FRYL: variants seen among roughly 807,000 people sequenced by gnomAD.
FRYL encodes the protein FRY like transcription coactivator.
In FRYL, 150 loss-of-function variants were observed where a neutral mutation model predicts 351.2. The ratio of observed to expected loss-of-function variants is 0.43; its 90% CI spans 0.37 to 0.49. The LOEUF (loss-of-function observed/expected upper bound fraction) is 0.49. Ranked by LOEUF, FRYL falls within the 20% of genes least tolerant of loss-of-function variation. The pLI, the probability that FRYL is intolerant of heterozygous loss-of-function variation, is 0.00. For synonymous variants in FRYL, 1,153 were observed against 1,257.1 expected (o/e 0.92, Z 1.75); for missense variants, 3,036 against 3,619.3 (o/e 0.84, Z 4.13).
Position 48,535,830 on chromosome 4 carries a change from A to G in FRYL, c.6394-3T>C, listed in dbSNP as rs1442860949. The G allele has an allele frequency of 3.3e-6, 5 of 1,502,940 alleles. No individual in the cohort carries two copies. The highest frequency in any genetic ancestry group is 2.4e-5 in the East Asian group (1 of 41,956). 93.1% of individuals were successfully genotyped at this position (1,502,940 alleles called of 1,614,324 possible). ...GGGCATTTTTCTTCTGCACAAACCT[A>G]GAAAACAAATAAAATTATTTCATTC... On this transcript the variant is annotated splice_region_variant and splice_polypyrimidine_tract_variant and intron_variant, in intron 47 of 63. Transcript: ENST00000358350.
chr4:48,702,683 T>G (rs1257957285), intron 2 of FRYL, among the ~76,000 whole-genome samples: 1 of 133,692 alleles, frequency 7.5e-6, no homozygotes, highest in Admixed American at 8.3e-5. Context: ...ATGGTGTGAA[T>G]CCGGGAGGCG....
At chr4:48,646,462 C>T (rs929478021) in intron 3 of FRYL, among the ~76,000 whole-genome samples, 3 of 152,096 alleles carry the variant, frequency 2.0e-5, no homozygotes, top group South Asian at 2.1e-4. Flanking sequence ...GATCTAAAAT[C>T]GTCAAAAATG....
intron 1 of FRYL, among the ~76,000 whole-genome samples, chr4:48,776,355 T>C (rs1170418902): frequency 1.3e-5 from 2 of 152,180 alleles, no homozygotes; most frequent in African/African-American, 4.8e-5. Context: ...GAAACTTTGA[T>C]AAGCAAAAAC....
At chr4:48,602,223 C>T in intron 12 of FRYL, 102 bp from the exon 13 acceptor site, 1 of 649,796 alleles carries the variant, frequency 1.5e-6, no homozygotes. Context: ...GGAAACAAAT[C>T]TTTTAAGCAG....
intron 47 of FRYL, 124 bp downstream of exon 47, chr4:48,539,847 T>C (rs762138778): frequency 4.4e-6 from 3 of 678,716 alleles, no homozygotes; most frequent in African/African-American, 3.6e-5. Context: ...AAAATAAAAA[T>C]TTAAATGCAA....
intron 24 of FRYL, 94 bp from the exon 25 acceptor site, chr4:48,575,335 T>C (rs1739374638): frequency 7.5e-7 from 1 of 1,335,452 alleles, no homozygotes; most frequent in Non-Finnish European, 1.0e-6. Context: ...CAAGGATAAA[T>C]GGACAGGTGA....
chr4:48,693,818 T>C (rs1765882782), intron 2 of FRYL, among the ~76,000 whole-genome samples: 1 of 152,188 alleles, frequency 6.6e-6, no homozygotes, highest in African/African-American at 2.4e-5. Flanking sequence ...TATTGTGCAT[T>C]ACAAGAATAC....
chr4:48,774,530 A>C (rs1304355701), intron 1 of FRYL, among the ~76,000 whole-genome samples: 8 of 152,094 alleles, frequency 5.3e-5, no homozygotes, highest in Admixed American at 5.2e-4. Context: ...TTTCACACTG[A>C]ATTTTAATAC....
At position 48,514,963 on chromosome 4, in the gene FRYL, C is replaced by G. The variant is rs555756123; in HGVS notation, c.7937+65G>C. 6 of 1,385,586 alleles carry G rather than the reference C, an allele frequency of 4.3e-6. No individual in the cohort carries two copies. In the African/African-American group the frequency reaches 5.8e-5, roughly 13 times the overall value. 85.8% of individuals were successfully genotyped at this position (1,385,586 alleles called of 1,614,324 possible). ...GTAAGTAAACTGAAACAGAGGGGCA[C>G]TCTTTGGAAGGAATAGGGGAGAGAT... On this transcript the variant is annotated intron_variant, in intron 56 of 63. Coordinates refer to ENST00000358350, the MANE Select transcript of FRYL (RefSeq NM_015030.2).
At chr4:48,736,850 G>GAAAAAAAAAAAA (rs368006420) in intron 1 of FRYL, among the ~76,000 whole-genome samples, 4 of 40,598 alleles carry the variant, frequency 9.9e-5, no homozygotes, top group African/African-American at 2.0e-4. Flanking sequence ...ACTCTGTCTC[G>GAAAAAAAAAAAA]AAAAAAAAAA....
At chr4:48,510,238 C>G in intron 58 of FRYL, 81 bp from the exon 59 acceptor site, 1 of 1,002,924 alleles carries the variant, frequency 1.0e-6, no homozygotes, top group Admixed American at 1.7e-5. Flanking sequence ...ACTTTTCAGT[C>G]ATGGAATAGC....
intron 33 of FRYL, among the ~76,000 whole-genome samples, chr4:48,559,714 G>C (rs1486591585): frequency 6.9e-6 from 1 of 145,186 alleles, no homozygotes; most frequent in Non-Finnish European, 1.5e-5. Flanking sequence ...GGGAGAGAGA[G>C]AGACTCTGTC....
chr4:48,740,638 T>C (rs1560339366), intron 1 of FRYL, among the ~76,000 whole-genome samples: 1 of 151,916 alleles, frequency 6.6e-6, no homozygotes, highest in Admixed American at 6.6e-5. Context: ...ACCAAAGATA[T>C]ACAGATGGCA....
intron 16 of FRYL, among the ~76,000 whole-genome samples, chr4:48,593,540 C>T (rs1228162910): frequency 6.6e-6 from 1 of 152,030 alleles, no homozygotes; most frequent in African/African-American, 2.4e-5. Context: ...GATGGGGTTT[C>T]TCCATGTTGG....
chr4:48,544,175 C>T (rs1413876919), intron 43 of FRYL, among the ~76,000 whole-genome samples, 178 bp from the exon 44 acceptor site: 1 of 152,162 alleles, frequency 6.6e-6, no homozygotes, highest in East Asian at 1.9e-4. Context: ...ACCCTTTAAT[C>T]TTTACGGAAG....
chr4:48,717,278 A>T (rs1427478968), intron 1 of FRYL, among the ~76,000 whole-genome samples: 1 of 151,276 alleles, frequency 6.6e-6, no homozygotes, highest in African/African-American at 2.4e-5. Context: ...ATAATAATAA[A>T]AAAAAACAAA....
chr4:48,546,185 T>A lies in FRYL; in HGVS notation c.5161A>T (p.Ser1721Cys). Residue 1721 changes from serine (S) to cysteine (C), a missense_variant, in exon 42 of 64, where the codon AGC becomes TGC. Physicochemically the swap from Ser to Cys is moderately radical, Grantham distance 112 (BLOSUM62 -1). This residue lies in a region of FRYL where 1,987 missense variants were observed against 2,311.7 expected (regional missense o/e 0.86). Transcript: ENST00000358350. ...LSSSSTSSSI[S>C]LGNNSAAISH... is the part of the protein sequence containing the mutation. ...ATGGCAGCACTGTTATTTCCTAAGC[T>A]GATACTAGAAGAGGTAGAACTTGAG... 6.2e-7 allele frequency: 1 copy of A among 1,613,776 alleles called. No homozygotes were observed. Among genetic ancestry groups the A allele is most frequent in the Non-Finnish European group, 8.5e-7 (1 of 1,179,822 alleles).
chr4:48,527,173 C>T (rs927941779), intron 53 of FRYL, among the ~76,000 whole-genome samples: 1 of 152,220 alleles, frequency 6.6e-6, no homozygotes, highest in Middle Eastern at 3.4e-3. Flanking sequence ...TACCATTTGG[C>T]TGCATATTAG....
chr4:48,581,824 C>G (rs1487085325), intron 20 of FRYL, among the ~76,000 whole-genome samples: 1 of 152,140 alleles, frequency 6.6e-6, no homozygotes. Context: ...TAACTTCTAC[C>G]ATTCTCTGAC....
Sources: allele counts gnomAD v4.1 joint callset (sites outside exome capture counted in the v4.1 genomes callset), GRCh38; gene constraint gnomAD v4.1.1; regional missense constraint gnomAD v4.1.1; transcripts MANE v1.5; gene names NCBI Gene and HGNC (gene_info 2026-07-23, HGNC 2026-07-21).